The following KANK1 variants were observed in gnomAD, a reference collection of about 807,000 sequenced individuals.
The protein encoded by KANK1 is KN motif and ankyrin repeat domains 1.
In KANK1, 109 loss-of-function variants were observed where a neutral mutation model predicts 106.2. The observed-to-expected ratio is 1.03, with a 90% CI of 0.88 to 1.20. KANK1 has a LOEUF of 1.20. Among genes scored for constraint, KANK1 ranks in the 50% most tolerant of loss-of-function variants. The probability of loss-of-function intolerance (pLI) is 0.00; values close to 1 mark genes in which losing one functional copy is unlikely to be tolerated. For synonymous variants in KANK1, 873 were observed against 652.2 expected (o/e 1.34, Z -5.16); for missense variants, 2,399 against 1,710.7 (o/e 1.40, Z -7.10).
At chr9:518,221 G>A (rs1223995391) in intron 1 of KANK1, among the ~76,000 whole-genome samples, 16 of 151,844 alleles carry the variant, frequency 1.1e-4, no homozygotes, top group Admixed American at 5.2e-4. Context: ...AAGAAGTGTT[G>A]TAAACCTCTG....
At chr9:473,749 G>C (rs914526695) in intron 3 of KANK1, among the ~76,000 whole-genome samples, 1 of 151,844 alleles carries the variant, frequency 6.6e-6, no homozygotes, top group East Asian at 1.9e-4. Context: ...CACCAGGGTG[G>C]AATGCAGTGG....
chr9:490,587 A>C (rs1008730129), intron 3 of KANK1, among the ~76,000 whole-genome samples: 2 of 152,246 alleles, frequency 1.3e-5, no homozygotes, highest in East Asian at 3.9e-4. Context: ...ATCTCCAGAA[A>C]GATCTATTTG....
chr9:699,600 C>T (rs879708046), intron 2 of KANK1, among the ~76,000 whole-genome samples: 2 of 152,064 alleles, frequency 1.3e-5, no homozygotes, highest in African/African-American at 2.4e-5. Context: ...TAGGAGTACA[C>T]GAAGCAAGAC....
intron 1 of KANK1, among the ~76,000 whole-genome samples, chr9:573,830 A>G (rs1474180039): frequency 2.0e-5 from 3 of 151,296 alleles, no homozygotes; most frequent in Non-Finnish European, 2.9e-5. Context: ...CAGTTTTCCT[A>G]CATTTACAAG....
chr9:581,287 G>A (rs564059525), intron 1 of KANK1, among the ~76,000 whole-genome samples: 20 of 152,324 alleles, frequency 1.3e-4, no homozygotes, highest in African/African-American at 3.8e-4. Flanking sequence ...AGCAGGCAAG[G>A]GCTGACAGCA....
Position 745,476 on chromosome 9 carries a change from G to GTCTC in KANK1, c.*243_*246dup. The GTCTC allele has an allele frequency of 2.3e-6, 1 of 433,696 alleles. No individual in the cohort carries two copies. Among genetic ancestry groups the GTCTC allele is most frequent in the Admixed American group, 4.1e-5 (1 of 24,348 alleles). The allele number at this position is 433,696 out of a possible 1,614,324, so 26.9% of individuals were successfully genotyped here. A position where few individuals can be genotyped will look rare whatever the true frequency, so the allele number is the denominator to read the frequency against. The stretch of plus-strand genomic sequence containing the variant: ...TTAACCCAGTCTCTGTTGCTGTTGA[G>GTCTC]TCTCTGCTCCGTTTTGTACAGTCAC... On this transcript the variant is annotated 3_prime_UTR_variant, in exon 12 of 12. Transcript: ENST00000382297.
intron 1 of KANK1, among the ~76,000 whole-genome samples, chr9:634,886 A>G (rs188680147): frequency 1.0e-3 from 157 of 152,290 alleles, no homozygotes; most frequent in Non-Finnish European, 1.3e-3. Context: ...GCCATCCACT[A>G]TGCACTGGTA....
At chr9:610,639 C>A (rs1367141699) in intron 1 of KANK1, among the ~76,000 whole-genome samples, 1 of 152,128 alleles carries the variant, frequency 6.6e-6, no homozygotes, top group Non-Finnish European at 1.5e-5. Context: ...CCTGCAGTTT[C>A]CAGCTTTCCT....
At chr9:636,273 C>T (rs1044592249) in intron 1 of KANK1, among the ~76,000 whole-genome samples, 2 of 152,130 alleles carry the variant, frequency 1.3e-5, no homozygotes, top group Non-Finnish European at 2.9e-5. Flanking sequence ...TGAGAATTAT[C>T]AGAATAATTT....
At chr9:600,863 A>C (rs1588144638) in intron 1 of KANK1, among the ~76,000 whole-genome samples, 1 of 151,992 alleles carries the variant, frequency 6.6e-6, no homozygotes, top group East Asian at 1.9e-4. Flanking sequence ...CTAAAGTTAA[A>C]GCTTTTTGTT....
At chr9:704,345 C>T (rs1589048450) in intron 2 of KANK1, among the ~76,000 whole-genome samples, 2 of 152,174 alleles carry the variant, frequency 1.3e-5, no homozygotes, top group African/African-American at 2.4e-5. Context: ...GTTCCTCCAC[C>T]CCTAGATATG....
chr9:581,534 A>G lies in KANK1; in HGVS notation c.-84+76780A>G, dbSNP rs575220130. On this transcript the variant is annotated intron_variant, in intron 1 of 11. Coordinates refer to ENST00000382297, the MANE Select transcript of KANK1 (RefSeq NM_015158.5). Reference sequence around the variant, plus strand: ...GCTATGAACCATTCTTCATTAGTGCACTTGCTTGGTAATGGGTTAATTTGA... The same window carrying G: ...GCTATGAACCATTCTTCATTAGTGCGCTTGCTTGGTAATGGGTTAATTTGA... 2.6e-5 allele frequency among the ~76,000 whole-genome samples: 4 copies of G among 152,292 alleles called. No individual in the cohort carries two copies. In the South Asian group the frequency reaches 8.3e-4, roughly 32 times the overall value.
intron 1 of KANK1, among the ~76,000 whole-genome samples, chr9:614,369 G>A (rs1324137421): frequency 6.6e-6 from 1 of 151,980 alleles, no homozygotes; most frequent in African/African-American, 2.4e-5. Flanking sequence ...CCATCTTTGA[G>A]GAGTGATTAT....
intron 1 of KANK1, among the ~76,000 whole-genome samples, chr9:625,630 TAGAC>T (rs959985260): frequency 2.6e-5 from 4 of 152,186 alleles, no homozygotes; most frequent in African/African-American, 4.8e-5. Context: ...ATTAGTGTTT[TAGAC>T]AGGTTTCTGG....
intron 2 of KANK1, among the ~76,000 whole-genome samples, chr9:700,239 T>A (rs565822715): frequency 6.6e-6 from 1 of 152,308 alleles, no homozygotes; most frequent in East Asian, 1.9e-4. Context: ...ATACATTTCC[T>A]TTAAACCAGA....
At chr9:636,754 C>G (rs2137002247) in intron 1 of KANK1, among the ~76,000 whole-genome samples, 1 of 152,294 alleles carries the variant, frequency 6.6e-6, no homozygotes, top group Middle Eastern at 3.4e-3. Context: ...GTAATCCCAG[C>G]TACTCAGGAG....
upstream of KANK1, among the ~76,000 whole-genome samples, chr9:504,458 G>C (rs2058632606): frequency 1.3e-5 from 2 of 151,648 alleles, no homozygotes. Context: ...TACAAAGAGC[G>C]CCCCCGCGGG....
chr9:668,393 G>A (rs958112788), intron 1 of KANK1, among the ~76,000 whole-genome samples: 2 of 151,688 alleles, frequency 1.3e-5, no homozygotes, highest in African/African-American at 4.8e-5. Flanking sequence ...TTATATACTT[G>A]GGAGCTGAAT....
At position 713,310 on chromosome 9, in the gene KANK1, G is replaced by A. The variant is rs138739899; in HGVS notation, c.2544G>A (p.Leu848=). The change falls in exon 3 of 12, where the codon CTG becomes CTA. Residue 848 remains leucine, a synonymous_variant. Coordinates refer to ENST00000382297, the MANE Select transcript of KANK1 (RefSeq NM_015158.5). ...TGCTGGCTGAGAACTACAGTGAACT[G>A]GCAGAAGCTTTCGGGGAACCTCACT... ...QTLLAENYSE[L]AEAFGEPHSQ... is the part of the protein sequence containing the mutation. 7 of 1,614,068 alleles carry A rather than the reference G, an allele frequency of 4.3e-6. No individual in the cohort carries two copies. The highest frequency in any genetic ancestry group is 1.3e-5 in the African/African-American group (1 of 74,920).
Sources: gnomAD v4.1 joint callset for allele counts (sites outside exome capture counted in the v4.1 genomes callset) on GRCh38, gnomAD v4.1.1 for gene constraint, MANE v1.5 for transcripts, NCBI Gene and HGNC (gene_info 2026-07-23, HGNC 2026-07-21) for gene names.